Variants in GAS6 observed in about 807,000 individuals in gnomAD.
GAS6 encodes the protein growth arrest specific 6.
Under a neutral mutation model 75.8 loss-of-function variants are expected in GAS6, and 41 were observed. The observed-to-expected ratio is 0.54, with a 90% CI of 0.42 to 0.70. The LOEUF (loss-of-function observed/expected upper bound fraction) is 0.70. GAS6 is among the 30% of genes least tolerant of loss of function. The pLI is 0.00. For missense variants in GAS6, 854 were observed against 940.2 expected, an observed-to-expected ratio of 0.91 and a Z score of 1.20; for synonymous variants, 432 against 412.6, an observed-to-expected ratio of 1.05 and a Z score of -0.57.
In GAS6 at chr13:113,864,029, C is replaced by G. The variant is rs1446855630; in HGVS notation, c.-109G>C. 1 of 1,003,476 alleles carries G rather than the reference C, an allele frequency of 1.0e-6. No homozygotes were observed. The highest frequency in any genetic ancestry group is 1.2e-6 in the Non-Finnish European group (1 of 842,574). 62.2% of individuals were successfully genotyped at this position (1,003,476 alleles called of 1,614,324 possible). ...GTCCTGGCGGCCCTGAAGGTCACATCGCGGCGGCGGCGGCGGCGGCGGCTG... is the reference window on the plus strand; with the variant it reads ...GTCCTGGCGGCCCTGAAGGTCACATGGCGGCGGCGGCGGCGGCGGCGGCTG... On this transcript the variant is annotated 5_prime_UTR_variant, in exon 1 of 15. Coordinates refer to ENST00000327773, the MANE Select transcript of GAS6 (RefSeq NM_000820.4).
chr13:113,825,817 C>T (rs1566353900), intron 12 of GAS6, among the ~76,000 whole-genome samples: 3 of 144,502 alleles, frequency 2.1e-5, no homozygotes, highest in South Asian at 2.2e-4. Context: ...TTTTGACACC[C>T]GGGGGGAGAC....
At chr13:113,857,938 G>A (rs748629344) in intron 2 of GAS6, among the ~76,000 whole-genome samples, 2 of 152,244 alleles carry the variant, frequency 1.3e-5, no homozygotes, top group African/African-American at 2.4e-5. Context: ...AGAGGGCTGC[G>A]GAGCCAGCAC....
At chr13:113,821,640 G>A in intron 14 of GAS6, 1 of 380,558 alleles carries the variant, frequency 2.6e-6, no homozygotes, top group Non-Finnish European at 4.7e-6. Context: ...CTGGCCCGAG[G>A]TCTGCCCAGC....
rs767654685 is a variant in GAS6 at position 113,826,976 on chromosome 13, C to T, written c.1477+20G>A. On this transcript the variant is annotated intron_variant, in intron 12 of 14. Coordinates refer to ENST00000327773, the MANE Select transcript of GAS6 (RefSeq NM_000820.4). Reference sequence around the variant, plus strand: ...GAAGGTGCAGCCACAGCCACCCCAACGGTAAGAGCCAAGACTTACTGTAGT... The same window carrying T: ...GAAGGTGCAGCCACAGCCACCCCAATGGTAAGAGCCAAGACTTACTGTAGT... 1.4e-5 allele frequency: 22 copies of T among 1,605,548 alleles called. No individual in the cohort carries two copies. The highest frequency in any genetic ancestry group is 5.4e-5 in the African/African-American group (4 of 74,350).
At chr13:113,862,795 G>A (rs1162194394) in intron 2 of GAS6, among the ~76,000 whole-genome samples, 1 of 152,216 alleles carries the variant, frequency 6.6e-6, no homozygotes, top group Non-Finnish European at 1.5e-5. Flanking sequence ...CATTCCAGCA[G>A]AACGGAAAAC....
At chr13:113,825,316 C>T (rs1282204499) in intron 12 of GAS6, among the ~76,000 whole-genome samples, 14 of 151,956 alleles carry the variant, frequency 9.2e-5, no homozygotes, top group South Asian at 2.1e-4. Context: ...ACAAGGGCAC[C>T]GGCCTCTGCT....
chr13:113,827,425 T>A (rs2051564506), intron 11 of GAS6, among the ~76,000 whole-genome samples: 1 of 152,226 alleles, frequency 6.6e-6, no homozygotes. Context: ...AAAGGCCATG[T>A]GGGTCTAAGG....
intron 3 of GAS6, among the ~76,000 whole-genome samples, chr13:113,847,458 C>G (rs972411484): frequency 7.0e-6 from 1 of 143,316 alleles, no homozygotes. Flanking sequence ...ACGGGCTGAC[C>G]CGGGGTCTCT....
At chr13:113,829,484 ACCTGGGCCAAGAGGGACCTGACCCG>A (rs1160768877) in intron 10 of GAS6, among the ~76,000 whole-genome samples, 1 of 138,344 alleles carries the variant, frequency 7.2e-6, no homozygotes, top group Admixed American at 7.3e-5. Flanking sequence ...CATGATCCTC[ACCTGGGCCAAGAGGGACCTGACCCG>A]GGGAGACCAC....
At position 113,838,087 on chromosome 13, in the gene GAS6, C is replaced by G; in HGVS notation, c.571G>C (p.Asp191His). The G allele has an allele frequency of 6.2e-7, 1 of 1,612,730 alleles. No individual in the cohort carries two copies. The highest frequency in any genetic ancestry group is 8.5e-7 in the Non-Finnish European group (1 of 1,179,860). Residue 191 changes from aspartate (D) to histidine (H), a missense_variant, in exon 6 of 15, where the codon GAT becomes CAT. Coordinates refer to ENST00000327773, the MANE Select transcript of GAS6 (RefSeq NM_000820.4). ...GCCTTACCTTGGCAGGTCCTGCCAT[C>G]AGAGGAGAGCTCGAAGCCGCTGTGG... ...SCHSGFELSS[D>H]GRTCQDIDEC...
At chr13:113,855,192 G>A (rs2051904811) in intron 2 of GAS6, among the ~76,000 whole-genome samples, 1 of 152,244 alleles carries the variant, frequency 6.6e-6, no homozygotes. Flanking sequence ...CCTGCACACG[G>A]CACCCATGCT....
At chr13:113,838,574 A>G (rs367637770) in intron 5 of GAS6, among the ~76,000 whole-genome samples, 1 of 100,022 alleles carries the variant, frequency 1.0e-5, no homozygotes. Context: ...AGCAGGAGGA[A>G]GGGACCCCGG....
Position 113,823,216 on chromosome 13 carries a change from C to T in GAS6, c.1653+159G>A, listed in dbSNP as rs184944976. On this transcript the variant is annotated intron_variant, in intron 13 of 14. Coordinates refer to ENST00000327773, the MANE Select transcript of GAS6 (RefSeq NM_000820.4). Reference sequence around the variant, plus strand: ...TCCAAACAACCCCCGCAGCCCGAAGCGTGGCCCACGCCGGGCTTGGCTCAT... The same window carrying T: ...TCCAAACAACCCCCGCAGCCCGAAGTGTGGCCCACGCCGGGCTTGGCTCAT... 5.5e-3 allele frequency: 4,155 copies of T among 755,102 alleles called. 42 individuals carry two copies. The highest frequency in any genetic ancestry group is 0.023 in the South Asian group (1,102 of 47,584). 46.8% of individuals were successfully genotyped at this position (755,102 alleles called of 1,614,324 possible).
intron 2 of GAS6, among the ~76,000 whole-genome samples, chr13:113,849,121 C>G (rs1227576011): frequency 6.6e-6 from 1 of 152,222 alleles, no homozygotes; most frequent in Non-Finnish European, 1.5e-5. Flanking sequence ...TGCCAACACC[C>G]TCCTGAGGCC....
At chr13:113,847,922 C>T in intron 3 of GAS6, 104 bp downstream of exon 3, 1 of 1,069,858 alleles carries the variant, frequency 9.3e-7, no homozygotes, top group East Asian at 2.4e-5. Context: ...GATTAAGAAT[C>T]TTCCTTCCAA....
chr13:113,835,841 G>A (rs1014812884), intron 6 of GAS6: 22 of 1,373,264 alleles, frequency 1.6e-5, no homozygotes, highest in Non-Finnish European at 2.1e-5. Flanking sequence ...ATCAAGGCCC[G>A]GCTGGGAAGG....
At position 113,848,185 on chromosome 13, in the gene GAS6, G is replaced by A. The variant is rs2051848683; in HGVS notation, c.256-135C>T. On this transcript the variant is annotated intron_variant, in intron 2 of 14. Coordinates refer to ENST00000327773, the MANE Select transcript of GAS6 (RefSeq NM_000820.4). This position sits in a 1 kb window ranked among gnomAD's most constrained non-coding sequence, Gnocchi z 4.8. ...GGGCCGCCCCACCCGGGGAACTGAG[G>A]GGAAGTGACCGGGGCACGACTGCTG... 1.1e-6 allele frequency: 1 copy of A among 883,180 alleles called. No individual in the cohort carries two copies. The highest frequency in any genetic ancestry group is 2.4e-5 in the Admixed American group (1 of 42,124). The allele number at this position is 883,180 out of a possible 1,614,324, so 54.7% of individuals were successfully genotyped here.
chr13:113,842,305 C>G (rs796973980), intron 4 of GAS6: 8 of 296,312 alleles, frequency 2.7e-5, no homozygotes, highest in Non-Finnish European at 4.8e-5. Flanking sequence ...ACGGAGCTCG[C>G]GTCTCGAAGT....
intron 2 of GAS6, among the ~76,000 whole-genome samples, chr13:113,857,797 C>A (rs963319115): frequency 6.6e-6 from 1 of 152,236 alleles, no homozygotes; most frequent in Non-Finnish European, 1.5e-5. Flanking sequence ...TGAAGCTCTC[C>A]GGCTCGGGTG....
Sources: allele counts gnomAD v4.1 joint callset (sites outside exome capture counted in the v4.1 genomes callset), GRCh38; gene constraint gnomAD v4.1.1; non-coding constraint Gnocchi (gnomAD v3.1); transcripts MANE v1.5; gene names NCBI Gene and HGNC (gene_info 2026-07-23, HGNC 2026-07-21).